Variants in TUT4 observed in about 807,000 individuals in gnomAD.
TUT4 encodes terminal uridylyl transferase 4, also known as terminal uridylyltransferase 4.
A neutral mutation model predicts 192.2 loss-of-function variants in TUT4; 36 were observed. The ratio of observed to expected loss-of-function variants is 0.19; its 90% CI spans 0.14 to 0.25. The LOEUF is 0.25. TUT4 is among the 10% of genes least tolerant of loss of function. The probability of loss-of-function intolerance (pLI) is 1.00; values close to 1 mark genes in which losing one functional copy is unlikely to be tolerated. For synonymous variants in TUT4, 618 were observed against 666.0 expected, an observed-to-expected ratio of 0.93 and a Z score of 1.11; for missense variants, 1,493 against 1,957.2, an observed-to-expected ratio of 0.76 and a Z score of 4.47.
rs551990987 is a variant in TUT4, at chr1:52,518,083, C to T, written c.719-2029G>A. Among the ~76,000 whole-genome samples, 3 of 152,334 alleles carry T rather than the reference C, an allele frequency of 2.0e-5. No individual in the cohort carries two copies. In the South Asian group the frequency reaches 6.2e-4, roughly 32 times the overall value. ...GTGTTCCAAAAACAATAGTTCATTA[C>T]ATGTTAATACTCTCACAAAACAAGA... is the stretch of plus-strand genomic sequence containing the variant. On this transcript the variant is annotated intron_variant, in intron 2 of 29. Coordinates refer to ENST00000257177, the MANE Select transcript of TUT4 (RefSeq NM_001009881.3).
At chr1:52,487,040 T>G (rs1419894247) in intron 9 of TUT4, among the ~76,000 whole-genome samples, 14 of 152,190 alleles carry the variant, frequency 9.2e-5, no homozygotes. Flanking sequence ...TTTATATTTC[T>G]GTAGTATTTT....
chr1:52,461,660 T>TA (rs1355859015), intron 17 of TUT4, 44 bp from the exon 18 acceptor site: 1 of 1,557,490 alleles, frequency 6.4e-7, no homozygotes, highest in African/African-American at 1.4e-5. Flanking sequence ...ATAATTTTCA[T>TA]ATATGCTAAA....
chr1:52,535,591 G>A (rs1684691153), intron 1 of TUT4, among the ~76,000 whole-genome samples: 2 of 152,114 alleles, frequency 1.3e-5, no homozygotes, highest in Non-Finnish European at 2.9e-5. Context: ...GTCACAGAAA[G>A]AAGAAAGAGA....
At chr1:52,485,464 T>C (rs1247281732) in intron 9 of TUT4, among the ~76,000 whole-genome samples, 1 of 152,200 alleles carries the variant, frequency 6.6e-6, no homozygotes, top group Non-Finnish European at 1.5e-5. Context: ...ATTTTCTTAT[T>C]GCATTTCCTA....
chr1:52,482,308 G>C (rs1418638021), intron 9 of TUT4, among the ~76,000 whole-genome samples: 1 of 151,762 alleles, frequency 6.6e-6, no homozygotes, highest in Non-Finnish European at 1.5e-5. Context: ...TTCCTATATA[G>C]GTATAGGGAG....
At chr1:52,551,686 G>GCACACACACACATA (rs1689480187) in intron 1 of TUT4, among the ~76,000 whole-genome samples, 1 of 151,788 alleles carries the variant, frequency 6.6e-6, no homozygotes, top group Non-Finnish European at 1.5e-5. Flanking sequence ...GCTCGCGCGC[G>GCACACACACACATA]CACACACACA....
At chr1:52,475,763 C>A (rs941577204) in intron 12 of TUT4, among the ~76,000 whole-genome samples, 2 of 151,908 alleles carry the variant, frequency 1.3e-5, no homozygotes, top group African/African-American at 2.4e-5. Flanking sequence ...ATAAACAAGA[C>A]TAATAATAAG....
At chr1:52,493,554 TA>T in intron 7 of TUT4, 56 bp downstream of exon 7, 1 of 1,233,156 alleles carries the variant, frequency 8.1e-7, no homozygotes, top group Non-Finnish European at 1.1e-6. Flanking sequence ...ACAACACATG[TA>T]CCTTTAGAAA....
chr1:52,475,562 C>G, intron 12 of TUT4, 27 bp from the exon 13 acceptor site: 1 of 1,555,266 alleles, frequency 6.4e-7, no homozygotes, highest in Non-Finnish European at 8.7e-7. Flanking sequence ...TGGTAAATAG[C>G]TAAGTCTCTA....
At chr1:52,452,237 T>C (rs1404977808) in intron 20 of TUT4, among the ~76,000 whole-genome samples, 1 of 152,174 alleles carries the variant, frequency 6.6e-6, no homozygotes, top group Non-Finnish European at 1.5e-5. Flanking sequence ...AATCCAATAA[T>C]GTACAAAAGA....
At chr1:52,539,906 TAA>T (rs113259082) in intron 1 of TUT4, among the ~76,000 whole-genome samples, 2 of 116,372 alleles carry the variant, frequency 1.7e-5, no homozygotes, top group Admixed American at 9.2e-5. Flanking sequence ...GACTCCGTCT[TAA>T]AAAAAAAAAA....
rs576025936 is a variant in TUT4 at position 52,512,468 on chromosome 1, G to C, written c.883-2756C>G. Among the ~76,000 whole-genome samples, 5 of 152,268 alleles carry C rather than the reference G, an allele frequency of 3.3e-5. No individual in the cohort carries two copies. In the South Asian group the frequency reaches 1.0e-3, roughly 32 times the overall value. On this transcript the variant is annotated intron_variant, in intron 3 of 29. Coordinates refer to ENST00000257177, the MANE Select transcript of TUT4 (RefSeq NM_001009881.3). ...AAGGTTATCCAACCAATAAGTGGCA[G>C]AGCTAGACCCAATGACTCCAAAATC...
intron 9 of TUT4, among the ~76,000 whole-genome samples, chr1:52,484,695 T>C (rs1327687694): frequency 6.6e-6 from 1 of 152,246 alleles, no homozygotes; most frequent in African/African-American, 2.4e-5. Flanking sequence ...CTAGATCATC[T>C]GAGCATTCTA....
intron 13 of TUT4, among the ~76,000 whole-genome samples, chr1:52,474,404 T>TA (rs1344307415): frequency 6.6e-6 from 1 of 152,162 alleles, no homozygotes; most frequent in Non-Finnish European, 1.5e-5. Context: ...TTCCCCCCTC[T>TA]AAAAATATCT....
chr1:52,545,956 T>C (rs1203282975), intron 1 of TUT4, among the ~76,000 whole-genome samples: 4 of 101,340 alleles, frequency 3.9e-5, no homozygotes, highest in Admixed American at 1.1e-4. Flanking sequence ...ACTGCATCTC[T>C]ACAAAAATAC....
intron 1 of TUT4, among the ~76,000 whole-genome samples, chr1:52,549,268 C>T (rs1053879983): frequency 1.5e-4 from 23 of 152,200 alleles, no homozygotes; most frequent in African/African-American, 5.3e-4. Flanking sequence ...CACCTTAATA[C>T]AACATAAATG....
chr1:52,434,774 G>C (rs1286751698), intron 27 of TUT4: 2 of 151,988 alleles, frequency 1.3e-5, no homozygotes, highest in African/African-American at 4.8e-5. Flanking sequence ...GTGGATTGTA[G>C]GGTTGCAGTG....
chr1:52,465,587 T>A (rs979233788), intron 15 of TUT4, among the ~76,000 whole-genome samples: 7 of 152,248 alleles, frequency 4.6e-5, no homozygotes, highest in Non-Finnish European at 1.0e-4. Context: ...TTTTTCCGAC[T>A]TACATAATAA....
At chr1:52,522,526 A>AAAGT (rs1313517583) in intron 2 of TUT4, among the ~76,000 whole-genome samples, 1 of 152,258 alleles carries the variant, frequency 6.6e-6, no homozygotes, top group Non-Finnish European at 1.5e-5. Context: ...TGAAGGTTAC[A>AAAGT]AAGTAAGTAA....
Sources: allele counts gnomAD v4.1 joint callset (sites outside exome capture counted in the v4.1 genomes callset), GRCh38; gene constraint gnomAD v4.1.1; transcripts MANE v1.5; gene names NCBI Gene and HGNC (gene_info 2026-07-23, HGNC 2026-07-21).